CYP27B1: variants seen among roughly 807,000 people sequenced by gnomAD.
CYP27B1 encodes the protein 25-hydroxyvitamin D-1 alpha hydroxylase, mitochondrial.
CYP27B1 carries 46 observed loss-of-function variants against 54.8 expected under a neutral mutation model. The observed-to-expected ratio is 0.84, with a 90% confidence interval of 0.66 to 1.07. The LOEUF (loss-of-function observed/expected upper bound fraction) is 1.07. Among genes scored for constraint, CYP27B1 ranks in the 50% least tolerant of loss-of-function variants. The pLI is 0.00. For missense variants in CYP27B1, 674 were observed against 692.2 expected (o/e 0.97, Z 0.30); for synonymous variants, 292 against 297.3 (o/e 0.98, Z 0.18).
Position 57,765,175 on chromosome 12 carries a change from C to G in CYP27B1, c.626G>C (p.Cys209Ser), listed in dbSNP as rs201503366. ...GTCGGGTGGCACTTGAGCCTCCAGG[C>G]AGCCCAAGCGCGAGCCGAGCAGAAC... The part of the protein sequence containing the change: ...AAVLLGSRLG[C>S]LEAQVPPDTE... The change falls in exon 4 of 9, where the codon TGC becomes TCC. Residue 209 changes from cysteine (C) to serine (S), a missense_variant. Cys to Ser is a moderately radical substitution (Grantham distance 112). Coordinates refer to ENST00000228606, the MANE Select transcript of CYP27B1 (RefSeq NM_000785.4). This position sits in a 1 kb window ranked among gnomAD's most constrained non-coding sequence, Gnocchi z 5.8. 29 of 1,613,448 alleles carry G rather than the reference C, an allele frequency of 1.8e-5. No homozygotes were observed. The East Asian group carries it at 5.8e-4, about 32-fold the overall frequency.
chr12:57,762,732 G>A lies in CYP27B1; in HGVS notation c.*410C>T. The A allele has an allele frequency of 3.6e-6, 1 of 276,230 alleles. No individual in the cohort carries two copies. Among genetic ancestry groups the A allele is most frequent in the Admixed American group, 4.6e-5 (1 of 21,632 alleles). 17.1% of individuals were successfully genotyped at this position (276,230 alleles called of 1,614,324 possible). On this transcript the variant is annotated 3_prime_UTR_variant, in exon 9 of 9. Coordinates refer to ENST00000228606, the MANE Select transcript of CYP27B1 (RefSeq NM_000785.4). ...AAAGAGCTTACATGCAAAGACGAAG[G>A]ACCAACCAGGTACAGACCAGATGCA... is the stretch of plus-strand genomic sequence containing the variant.
intron 1 of CYP27B1, 26 bp downstream of exon 1, chr12:57,766,821 G>C (rs756141743): frequency 1.9e-6 from 3 of 1,611,754 alleles, no homozygotes; most frequent in African/African-American, 1.3e-5. Flanking sequence ...CCAGCACTCT[G>C]TCTCGGGAAA....
rs1955328299 is a variant in CYP27B1 at position 57,762,697 on chromosome 12, C to T, written c.*445G>A. On this transcript the variant is annotated 3_prime_UTR_variant, in exon 9 of 9. Coordinates refer to ENST00000228606, the MANE Select transcript of CYP27B1 (RefSeq NM_000785.4). The stretch of plus-strand genomic sequence containing the variant: ...ACATAAAAAACAAATAAGGCTTCAC[C>T]CTTCCTCTCAAAGAGCTTACATGCA... 1.2e-5 allele frequency: 3 copies of T among 249,800 alleles called. No individual in the cohort carries two copies. Among genetic ancestry groups the T allele is most frequent in the African/African-American group, 4.4e-5 (2 of 45,252 alleles). 15.5% of individuals were successfully genotyped at this position (249,800 alleles called of 1,614,324 possible).
In CYP27B1 at chr12:57,765,159, C is replaced by T. The variant is rs1268598680; in HGVS notation, c.642G>A (p.Val214=). ...GGATGAAGGTCTCCGTGTCGGGTGG[C>T]ACTTGAGCCTCCAGGCAGCCCAAGC... ...GSRLGCLEAQ[V]PPDTETFIRA... The change falls in exon 4 of 9, where the codon GTG becomes GTA. Residue 214 remains valine (V), a synonymous_variant. Coordinates refer to ENST00000228606, the MANE Select transcript of CYP27B1 (RefSeq NM_000785.4). The surrounding 1 kb of genome is among the most constrained non-coding windows in gnomAD (Gnocchi z 5.8). 6.2e-7 allele frequency: 1 copy of T among 1,613,736 alleles called. No homozygotes were observed. The highest frequency in any genetic ancestry group is 8.5e-7 in the Non-Finnish European group (1 of 1,179,926).
intron 1 of CYP27B1, chr12:57,766,443 C>T (rs544017985): frequency 5.3e-6 from 3 of 568,286 alleles, no homozygotes; most frequent in African/African-American, 1.9e-5. Context: ...CCTCTCTGAT[C>T]ATCTCGGTCG....
chr12:57,767,062 C>T lies in CYP27B1; in HGVS notation c.-21G>A, dbSNP rs560778422. ...GTCATGGTCTGGTTCAGGGTGCTCGCGAAAGAAAGCGCTTCTCCTGAGCAT... is the reference window on the plus strand; with the variant it reads ...GTCATGGTCTGGTTCAGGGTGCTCGTGAAAGAAAGCGCTTCTCCTGAGCAT... On this transcript the variant is annotated 5_prime_UTR_variant, in exon 1 of 9. Coordinates refer to ENST00000228606, the MANE Select transcript of CYP27B1 (RefSeq NM_000785.4). 14 of 1,611,162 alleles carry T rather than the reference C, an allele frequency of 8.7e-6. No individual in the cohort carries two copies. The highest frequency in any genetic ancestry group is 1.3e-5 in the African/African-American group (1 of 74,974).
Position 57,765,698 on chromosome 12 carries a change from G to A in CYP27B1, c.387-199C>T, listed in dbSNP as rs1206257983. 3 of 841,036 alleles carry A rather than the reference G, an allele frequency of 3.6e-6. No homozygotes were observed. Among genetic ancestry groups the A allele is most frequent in the Non-Finnish European group, 3.9e-6 (2 of 511,880 alleles). 52.1% of individuals were successfully genotyped at this position (841,036 alleles called of 1,614,324 possible). Reference sequence around the variant, plus strand: ...CTCATTTCCTGCCCTCAGGGGCCGGGGTTCCCGGGTAACTTGAGTCACAGA... The same window carrying A: ...CTCATTTCCTGCCCTCAGGGGCCGGAGTTCCCGGGTAACTTGAGTCACAGA... On this transcript the variant is annotated intron_variant, in intron 2 of 8. Transcript: ENST00000228606. This position sits in a 1 kb window ranked among gnomAD's most constrained non-coding sequence, Gnocchi z 5.8.
chr12:57,764,668 T>C (rs1381615406), intron 5 of CYP27B1, 86 bp downstream of exon 5: 3 of 1,599,362 alleles, frequency 1.9e-6, no homozygotes, highest in Non-Finnish European at 2.6e-6. Context: ...GTGGCCATAA[T>C]GGATCCCCTG....
chr12:57,764,726 G>A (rs1177956307), intron 5 of CYP27B1, 28 bp downstream of exon 5: 15 of 1,613,920 alleles, frequency 9.3e-6, no homozygotes, highest in Middle Eastern at 1.6e-4. Context: ...CCCTGGAACC[G>A]GCTCACAGCA....
chr12:57,767,016 G>A lies in CYP27B1; in HGVS notation c.26C>T (p.Ser9Phe), dbSNP rs748833551. 1.2e-6 allele frequency: 2 copies of A among 1,614,226 alleles called. No individual in the cohort carries two copies. The highest frequency in any genetic ancestry group is 1.7e-6 in the Non-Finnish European group (2 of 1,180,036). The change falls in exon 1 of 9, where the codon TCC becomes TTC. Residue 9 changes from serine (S) to phenylalanine (F), a missense_variant. By Grantham distance (155) the Ser-to-Phe change is radical (BLOSUM62 -2). Transcript: ENST00000228606. ...CCAGCGGACGCGATGGAACACTCTG[G>A]AGGCGTACTTGAGGGTCTGGGTCAT... Reference protein sequence around the residue: MTQTLKYASRVFHRVRWAP... With the variant: MTQTLKYAFRVFHRVRWAP...
In CYP27B1 at chr12:57,764,751, C is replaced by G. The variant is rs1955344490; in HGVS notation, c.963+3G>C. On this transcript the variant is annotated splice_donor_region_variant and intron_variant, in intron 5 of 8. Transcript: ENST00000228606. ...GGCTCACAGCACGGAGGGAGAACCTCACCGTGTCCACTCCCGCCAATAGCA... is the reference window on the plus strand; with the variant it reads ...GGCTCACAGCACGGAGGGAGAACCTGACCGTGTCCACTCCCGCCAATAGCA... 1.2e-6 allele frequency: 2 copies of G among 1,613,966 alleles called. No individual in the cohort carries two copies. Among genetic ancestry groups the G allele is most frequent in the Non-Finnish European group, 8.5e-7 (1 of 1,180,018 alleles).
intron 7 of CYP27B1, 125 bp from the exon 8 acceptor site, chr12:57,763,933 T>G: frequency 9.0e-7 from 1 of 1,108,426 alleles, no homozygotes; most frequent in Non-Finnish European, 1.4e-6. Flanking sequence ...TGGGGCTACT[T>G]TTGGAAGGAT....
rs745388058 is a variant in CYP27B1, at chr12:57,765,252, G to T, written c.590-41C>A. The T allele has an allele frequency of 1.2e-6, 2 of 1,611,482 alleles. No individual in the cohort carries two copies. Among genetic ancestry groups the T allele is most frequent in the Non-Finnish European group, 1.7e-6 (2 of 1,179,154 alleles). ...CGCCGTCAGGGTTCCGGGAGGCTCT[G>T]GTAGGGCGCCCCCGACGCCTGCCCA... On this transcript the variant is annotated intron_variant, in intron 3 of 8. Coordinates refer to ENST00000228606, the MANE Select transcript of CYP27B1 (RefSeq NM_000785.4). The surrounding 1 kb of genome is among the most constrained non-coding windows in gnomAD (Gnocchi z 5.8).
intron 4 of CYP27B1, 40 bp downstream of exon 4, chr12:57,764,971 G>A (rs772846974): frequency 1.2e-6 from 2 of 1,613,992 alleles, no homozygotes; most frequent in South Asian, 2.2e-5. Context: ...CCCCTGGACA[G>A]CTTTACATTC....
rs774100842 is a variant in CYP27B1 at position 57,764,996 on chromosome 12, C to G, written c.790+15G>C. On this transcript the variant is annotated intron_variant, in intron 4 of 8. Transcript: ENST00000228606. ...GCTTTACATTCCCCCATTTCCACCT[C>G]GACCTGTGCCTTACCAAATGCAAAC... 6.2e-7 allele frequency: 1 copy of G among 1,613,932 alleles called. No individual in the cohort carries two copies. Among genetic ancestry groups the G allele is most frequent in the Non-Finnish European group, 8.5e-7 (1 of 1,180,038 alleles).
chr12:57,763,867 A>G, intron 7 of CYP27B1, 59 bp from the exon 8 acceptor site: 3 of 1,549,450 alleles, frequency 1.9e-6, no homozygotes, highest in Non-Finnish European at 2.7e-6. Flanking sequence ...GGCATGAAGA[A>G]GAGGATATTC....
rs767032150 is a variant in CYP27B1 at position 57,765,490 on chromosome 12, T to G, written c.396A>C (p.Glu132Asp). 1 of 1,610,960 alleles carries G rather than the reference T, an allele frequency of 6.2e-7. No individual in the cohort carries two copies. The highest frequency in any genetic ancestry group is 1.3e-5 in the African/African-American group (1 of 75,060). ...RACGLLTAEGEEWQRLRSLLA... is the reference protein window; with the variant it reads ...RACGLLTAEGDEWQRLRSLLA... Reference sequence around the variant, plus strand: ...GGAGACTGCGGAGCCTTTGCCATTCTTCGCCTTCCCTGCAGGGTTGAGGAG... The same window carrying G: ...GGAGACTGCGGAGCCTTTGCCATTCGTCGCCTTCCCTGCAGGGTTGAGGAG... Residue 132 changes from glutamate (E) to aspartate (D), a missense_variant, in exon 3 of 9, where the codon GAA becomes GAC. Transcript: ENST00000228606. The surrounding 1 kb of genome is among the most constrained non-coding windows in gnomAD (Gnocchi z 5.8).
Position 57,765,542 on chromosome 12 carries a change from G to A in CYP27B1, c.387-43C>T, listed in dbSNP as rs1595118635. The A allele has an allele frequency of 2.6e-6, 4 of 1,564,256 alleles. No homozygotes were observed. Among genetic ancestry groups the A allele is most frequent in the East Asian group, 4.6e-5 (2 of 43,694 alleles). ...GAGTGCGCATCGGGAAGGTGGGGACGGCTCGACGGGACTGGCTGCAGTGAA... is the reference window on the plus strand; with the variant it reads ...GAGTGCGCATCGGGAAGGTGGGGACAGCTCGACGGGACTGGCTGCAGTGAA... On this transcript the variant is annotated intron_variant, in intron 2 of 8. Coordinates refer to ENST00000228606, the MANE Select transcript of CYP27B1 (RefSeq NM_000785.4). The surrounding 1 kb of genome is among the most constrained non-coding windows in gnomAD (Gnocchi z 5.8).
rs780857122 is a variant in CYP27B1 at position 57,764,410 on chromosome 12, G to A, written c.1104C>T (p.Pro368=). The change falls in exon 6 of 9, where the codon CCC becomes CCT. Residue 368 remains proline (P), a synonymous_variant. Coordinates refer to ENST00000228606, the MANE Select transcript of CYP27B1 (RefSeq NM_000785.4). ...YPSATVLSQL[P]LLKAVVKEVL... ...CTTCCTTGACCACCGCCTTCAGCAGGGGCAGCTGGGACAGAACAGTGGCTG... is the reference window on the plus strand; with the variant it reads ...CTTCCTTGACCACCGCCTTCAGCAGAGGCAGCTGGGACAGAACAGTGGCTG... 2.5e-6 allele frequency: 4 copies of A among 1,614,162 alleles called. No individual in the cohort carries two copies. In the South Asian group the frequency reaches 3.3e-5, roughly 13 times the overall value.
Sources: allele counts gnomAD v4.1 joint callset, GRCh38; gene constraint gnomAD v4.1.1; non-coding constraint Gnocchi (gnomAD v3.1); transcripts MANE v1.5; gene names NCBI Gene and HGNC (gene_info 2026-07-23, HGNC 2026-07-21).